KHDRBS2: variants seen among roughly 807,000 people sequenced by gnomAD.
The protein encoded by KHDRBS2 is KH RNA binding domain containing, signal transduction associated 2.
Under a neutral mutation model 44.3 loss-of-function variants are expected in KHDRBS2, and 26 were observed. That is an observed-to-expected ratio of 0.59 (90% CI 0.43 to 0.81). The LOEUF (loss-of-function observed/expected upper bound fraction) is 0.81. Among genes scored for constraint, KHDRBS2 ranks in the 40% least tolerant of loss-of-function variants. KHDRBS2 has a pLI of 0.00. For missense variants in KHDRBS2, 476 were observed against 433.1 expected, an observed-to-expected ratio of 1.10 and a Z score of -0.88; for synonymous variants, 194 against 151.1, an observed-to-expected ratio of 1.28 and a Z score of -2.08.
chr6:62,108,984 T>A, intron 2 of KHDRBS2, among the ~76,000 whole-genome samples: 1 of 151,722 alleles, frequency 6.6e-6, no homozygotes, highest in East Asian at 1.9e-4. Flanking sequence ...CATTAGGAGA[T>A]ATACCTAATG....
At chr6:61,794,348 C>T (rs1272344973) in intron 6 of KHDRBS2, among the ~76,000 whole-genome samples, 3 of 152,124 alleles carry the variant, frequency 2.0e-5, no homozygotes, top group African/African-American at 4.8e-5. Context: ...AAATGCAGCC[C>T]AGCCTAGCTC....
the KHDRBS2 span, among the ~76,000 whole-genome samples, chr6:61,558,863 A>G: frequency 6.6e-6 from 1 of 152,182 alleles, no homozygotes; most frequent in Non-Finnish European, 1.5e-5. Flanking sequence ...ACAATGAGTC[A>G]TATGCTGAGG....
At chr6:62,082,285 T>C (rs1305864504) in intron 2 of KHDRBS2, among the ~76,000 whole-genome samples, 3 of 146,880 alleles carry the variant, frequency 2.0e-5, no homozygotes, top group African/African-American at 5.1e-5. Flanking sequence ...AAATTCTTAG[T>C]TTAAAGAGAG....
At chr6:61,801,316 A>C (rs1382011832) in intron 6 of KHDRBS2, among the ~76,000 whole-genome samples, 1 of 152,148 alleles carries the variant, frequency 6.6e-6, no homozygotes, top group Admixed American at 6.6e-5. Flanking sequence ...GGAGAACAGA[A>C]TATAGTGAAA....
At chr6:61,592,446 C>T in the KHDRBS2 span, among the ~76,000 whole-genome samples, 1 of 152,102 alleles carries the variant, frequency 6.6e-6, no homozygotes, top group South Asian at 2.1e-4. Flanking sequence ...TCACAGGTAG[C>T]AGACCTCAGA....
chr6:62,089,436 C>T (rs1799078730), intron 2 of KHDRBS2, among the ~76,000 whole-genome samples: 2 of 152,110 alleles, frequency 1.3e-5, no homozygotes, highest in African/African-American at 4.8e-5. Context: ...GGCAGGATAG[C>T]ACCATCCCCC....
At chr6:61,948,172 A>G (rs1763989220) in intron 4 of KHDRBS2, among the ~76,000 whole-genome samples, 1 of 152,016 alleles carries the variant, frequency 6.6e-6, no homozygotes, top group African/African-American at 2.4e-5. Flanking sequence ...ACAATAAGAA[A>G]TAGAAATTAT....
intron 2 of KHDRBS2, among the ~76,000 whole-genome samples, chr6:62,157,011 G>A (rs568065947): frequency 7.3e-5 from 11 of 150,948 alleles, no homozygotes; most frequent in Admixed American, 7.3e-4. Context: ...ATGACAACAT[G>A]AAATTAATAC....
At chr6:61,709,269 A>G (rs879346125) in intron 7 of KHDRBS2, among the ~76,000 whole-genome samples, 5 of 151,596 alleles carry the variant, frequency 3.3e-5, no homozygotes, top group Non-Finnish European at 5.9e-5. Context: ...GTTTTAGTTG[A>G]TGGTATTTAA....
chr6:62,025,094 T>A (rs927556541), intron 3 of KHDRBS2, among the ~76,000 whole-genome samples: 2 of 151,772 alleles, frequency 1.3e-5, no homozygotes, highest in African/African-American at 2.4e-5. Context: ...ATCACTCTAA[T>A]GAATAGCAAA....
At chr6:61,623,441 C>T in the KHDRBS2 span, among the ~76,000 whole-genome samples, 1 of 152,202 alleles carries the variant, frequency 6.6e-6, no homozygotes, top group South Asian at 2.1e-4. Context: ...ATAATATATG[C>T]CTTCTGAGAA....
At chr6:61,638,454 A>T in the KHDRBS2 span, among the ~76,000 whole-genome samples, 1 of 152,166 alleles carries the variant, frequency 6.6e-6, no homozygotes, top group Non-Finnish European at 1.5e-5. Context: ...GGCTAGCCAT[A>T]TATAGAAAGC....
chr6:62,103,492 G>A (rs1802389732), intron 2 of KHDRBS2, among the ~76,000 whole-genome samples: 1 of 152,224 alleles, frequency 6.6e-6, no homozygotes, highest in Non-Finnish European at 1.5e-5. Flanking sequence ...AGCAGAGAGA[G>A]GACAGGGAAT....
chr6:62,197,209 T>C (rs1825887725), intron 1 of KHDRBS2, among the ~76,000 whole-genome samples: 1 of 152,076 alleles, frequency 6.6e-6, no homozygotes, highest in Admixed American at 6.6e-5. Flanking sequence ...ATATAGTAAA[T>C]TTAACAGTCT....
At chr6:62,213,873 CAAAAAAAAAAAAAAAAAA>C (rs67482871) in intron 1 of KHDRBS2, among the ~76,000 whole-genome samples, 3 of 41,486 alleles carry the variant, frequency 7.2e-5, no homozygotes, top group African/African-American at 9.2e-5. Flanking sequence ...GACTCCATCT[CAAAAAAAAAAAAAAAAAA>C]AAAAAAAAAA....
At chr6:61,585,688 C>T in the KHDRBS2 span, among the ~76,000 whole-genome samples, 1 of 152,140 alleles carries the variant, frequency 6.6e-6, no homozygotes, top group African/African-American at 2.4e-5. Context: ...TGAACGTTTA[C>T]TGTTTTTGCC....
At chr6:62,120,555 A>G (rs1393170516) in intron 2 of KHDRBS2, among the ~76,000 whole-genome samples, 2 of 152,192 alleles carry the variant, frequency 1.3e-5, no homozygotes, top group Non-Finnish European at 2.9e-5. Context: ...AGCTACCGTA[A>G]TGAACAGAAG....
chr6:62,251,164 G>C (rs899470254), intron 1 of KHDRBS2, among the ~76,000 whole-genome samples: 2 of 151,630 alleles, frequency 1.3e-5, no homozygotes, highest in East Asian at 1.9e-4. Flanking sequence ...TGAATATCTT[G>C]AATATTCTTG....
At chr6:61,807,533 C>T (rs1477720521) in intron 6 of KHDRBS2, among the ~76,000 whole-genome samples, 1 of 151,846 alleles carries the variant, frequency 6.6e-6, no homozygotes, top group African/African-American at 2.4e-5. Context: ...ATAGATGGAG[C>T]TGGGCGCTAT....
Sources: gnomAD v4.1 joint callset for allele counts (sites outside exome capture counted in the v4.1 genomes callset) on GRCh38, gnomAD v4.1.1 for gene constraint, MANE v1.5 for transcripts, NCBI Gene and HGNC (gene_info 2026-07-23, HGNC 2026-07-21) for gene names.